RLF: variants seen among roughly 807,000 people sequenced by gnomAD.
RLF encodes zinc finger protein Rlf.
RLF carries 7 observed loss-of-function variants against 162.9 expected under a neutral mutation model. The observed-to-expected ratio is 0.04, with a 90% confidence interval of 0.02 to 0.08. The LOEUF is 0.08. Ranked by LOEUF, RLF falls within the 10% of genes least tolerant of loss-of-function variation. RLF has a pLI of 1.00. For missense variants in RLF, 1,664 were observed against 2,244.7 expected (o/e 0.74, Z 5.23); for synonymous variants, 782 against 791.5 (o/e 0.99, Z 0.20).
chr1:40,221,987 G>GT (rs977181241), intron 5 of RLF, among the ~76,000 whole-genome samples: 20 of 147,976 alleles, frequency 1.4e-4, no homozygotes, highest in Admixed American at 6.0e-4. Context: ...TTTTTTGTTT[G>GT]TTTTTTTAAG....
intron 5 of RLF, among the ~76,000 whole-genome samples, chr1:40,206,289 A>G (rs868233480): frequency 6.6e-6 from 1 of 152,228 alleles, no homozygotes; most frequent in Admixed American, 6.5e-5. Context: ...TTTATTGATG[A>G]GGAAAGTCAG....
intron 4 of RLF, among the ~76,000 whole-genome samples, chr1:40,199,139 C>T (rs187897808): frequency 6.6e-6 from 1 of 152,238 alleles, no homozygotes; most frequent in African/African-American, 2.4e-5. Flanking sequence ...CATGTAGTTA[C>T]AATTGTGGAG....
chr1:40,236,051 C>G lies in RLF; in HGVS notation c.1349C>G (p.Ser450Cys). ...GAAGAAAATGCACCGGTTCCAAATT[C>G]TCTTCGATGTGAGCTCTTACTAGCT... ...FDEENAPVPNSLRCELLLALK... is the reference protein window; with the variant it reads ...FDEENAPVPNCLRCELLLALK... Residue 450 changes from serine to cysteine, a missense_variant, in exon 8 of 8, where the codon TCT (serine) becomes TGT (cysteine). By Grantham distance (112) the Ser-to-Cys change is moderately radical. Transcript: ENST00000372771. The surrounding 1 kb of genome is among the most constrained non-coding windows in gnomAD (Gnocchi z 7.7). The G allele has an allele frequency of 4.3e-6, 7 of 1,613,882 alleles. No homozygotes were observed. Among genetic ancestry groups the G allele is most frequent in the Non-Finnish European group, 5.9e-6 (7 of 1,179,964 alleles).
In RLF at chr1:40,187,234, G is replaced by C. The variant is rs563897773; in HGVS notation, c.238-1821G>C. On this transcript the variant is annotated intron_variant, in intron 1 of 7. Transcript: ENST00000372771. ...TTTTTAGAGACGGGGTTTCACCCAT[G>C]TTGGCCAGGATGGTCTCGATCTCTT... Among the ~76,000 whole-genome samples, 7 of 152,236 alleles carry C rather than the reference G, an allele frequency of 4.6e-5. No individual in the cohort carries two copies. In the East Asian group the frequency reaches 1.4e-3, roughly 29 times the overall value.
intron 1 of RLF, among the ~76,000 whole-genome samples, chr1:40,186,672 C>G (rs1642485881): frequency 6.6e-6 from 1 of 152,216 alleles, no homozygotes; most frequent in South Asian, 2.1e-4. Flanking sequence ...GTTGTATTGA[C>G]TCATTCTGAA....
At chr1:40,166,366 G>A (rs992562252) in intron 1 of RLF, among the ~76,000 whole-genome samples, 2 of 151,866 alleles carry the variant, frequency 1.3e-5, no homozygotes, top group Non-Finnish European at 2.9e-5. Flanking sequence ...GAGAGGTTGT[G>A]GAGAAATAGG....
chr1:40,178,777 G>A (rs1351277946), intron 1 of RLF, among the ~76,000 whole-genome samples: 1 of 151,188 alleles, frequency 6.6e-6, no homozygotes, highest in East Asian at 1.9e-4. Context: ...TCCCGCCTTG[G>A]CCTCCCAAAG....
intron 1 of RLF, among the ~76,000 whole-genome samples, chr1:40,179,267 T>C (rs1642373994): frequency 1.3e-5 from 2 of 152,224 alleles, no homozygotes; most frequent in African/African-American, 4.8e-5. Context: ...GATTTGAAAC[T>C]GTAGCCAGAA....
At position 40,239,519 on chromosome 1, in the gene RLF, C is replaced by T; in HGVS notation, c.4817C>T (p.Ala1606Val). 1 of 1,614,022 alleles carries T rather than the reference C, an allele frequency of 6.2e-7. No individual in the cohort carries two copies. The highest frequency in any genetic ancestry group is 8.5e-7 in the Non-Finnish European group (1 of 1,180,008). The change falls in exon 8 of 8, where the codon GCA becomes GTA. Residue 1606 changes from alanine to valine, a missense_variant. By Grantham distance (64) the Ala-to-Val change is moderately conservative (BLOSUM62 0). Transcript: ENST00000372771. ...ATTAAGGAGGAACCCCCTTCTGAAG[C>T]AGATCCCTGTATAAAGAAAGAAGAA... ...TKIKEEPPSE[A>V]DPCIKKEENR...
intron 1 of RLF, among the ~76,000 whole-genome samples, chr1:40,166,125 G>C (rs904119358): frequency 6.6e-6 from 1 of 152,008 alleles, no homozygotes; most frequent in African/African-American, 2.4e-5. Context: ...TTTGTCTTTT[G>C]TATTGACTTG....
intron 5 of RLF, among the ~76,000 whole-genome samples, chr1:40,214,382 T>C (rs1642897977): frequency 6.6e-6 from 1 of 152,178 alleles, no homozygotes; most frequent in Non-Finnish European, 1.5e-5. Context: ...GAGGTTTTAC[T>C]CAAGAAAAAG....
chr1:40,193,696 CT>C (rs1187895429), intron 3 of RLF, among the ~76,000 whole-genome samples: 3 of 151,958 alleles, frequency 2.0e-5, no homozygotes, highest in Admixed American at 6.6e-5. Flanking sequence ...AGAAATATTA[CT>C]TTCTGTATCA....
rs1249052008 is a variant in RLF, at chr1:40,212,919, CAAGATT to C, written c.811-9649_811-9644del. On this transcript the variant is annotated intron_variant, in intron 5 of 7. Transcript: ENST00000372771. ...TTCCAGATGTAGTTTAAGTAAGAAT[CAAGATT>C]AAGATGAACTCTGAACAAGGAATAA... Among the ~76,000 whole-genome samples the C allele has an allele frequency of 5.3e-5, 8 of 152,218 alleles. No homozygotes were observed. In the East Asian group the frequency reaches 1.4e-3, roughly 26 times the overall value.
chr1:40,180,483 A>G (rs1247095501), intron 1 of RLF, among the ~76,000 whole-genome samples: 1 of 152,094 alleles, frequency 6.6e-6, no homozygotes, highest in Non-Finnish European at 1.5e-5. Flanking sequence ...GCTGGTCTCG[A>G]ACTCCTGACC....
chr1:40,224,226 G>A (rs574691821), intron 6 of RLF, among the ~76,000 whole-genome samples: 5 of 151,674 alleles, frequency 3.3e-5, no homozygotes, highest in Non-Finnish European at 5.9e-5. Flanking sequence ...GAGCTATAAT[G>A]AGTAAAGGAA....
chr1:40,171,410 T>C (rs1331421969), intron 1 of RLF, among the ~76,000 whole-genome samples: 1 of 152,202 alleles, frequency 6.6e-6, no homozygotes, highest in Non-Finnish European at 1.5e-5. Flanking sequence ...AATGTGGACA[T>C]TTGTTATAAG....
At chr1:40,206,158 A>G (rs918712888) in intron 5 of RLF, among the ~76,000 whole-genome samples, 30 of 152,052 alleles carry the variant, frequency 2.0e-4, no homozygotes, top group African/African-American at 6.8e-4. Context: ...GATATTCCTG[A>G]TATTTGGACT....
chr1:40,221,188 G>A (rs61778543), intron 5 of RLF, among the ~76,000 whole-genome samples: 7,883 of 151,584 alleles, frequency 0.052, 598 homozygotes, highest in African/African-American at 0.17. Context: ...TTAAATGTTG[G>A]CCCAAGGCAG....
chr1:40,214,559 C>T (rs1168137382), intron 5 of RLF, among the ~76,000 whole-genome samples: 1 of 151,976 alleles, frequency 6.6e-6, no homozygotes, highest in East Asian at 1.9e-4. Flanking sequence ...GGCTAATACA[C>T]AAATACAGAA....
Sources: gnomAD v4.1 joint callset for allele counts (sites outside exome capture counted in the v4.1 genomes callset) on GRCh38, gnomAD v4.1.1 for gene constraint, Gnocchi (gnomAD v3.1) non-coding constraint, MANE v1.5 for transcripts, NCBI Gene and HGNC (gene_info 2026-07-23, HGNC 2026-07-21) for gene names.